Variants in CDH12 observed in about 807,000 individuals in gnomAD.
CDH12 encodes the protein cadherin-12.
Under a neutral mutation model 74.1 loss-of-function variants are expected in CDH12, and 41 were observed. The ratio of observed to expected loss-of-function variants is 0.55; its 90% CI spans 0.43 to 0.72. CDH12 has a LOEUF of 0.72. CDH12 is among the 30% of genes least tolerant of loss of function. The pLI is 0.00. For missense variants in CDH12, 945 were observed against 977.2 expected (o/e 0.97, Z 0.44); for synonymous variants, 399 against 355.0 (o/e 1.12, Z -1.39).
intron 1 of CDH12, among the ~76,000 whole-genome samples, chr5:22,594,369 A>G (rs1250600748): frequency 6.6e-6 from 1 of 152,128 alleles, no homozygotes; most frequent in Non-Finnish European, 1.5e-5. Context: ...TCTATCCTAC[A>G]AAGTGGAGCC....
intron 3 of CDH12, among the ~76,000 whole-genome samples, chr5:22,281,627 C>T (rs1736888026): frequency 6.6e-6 from 1 of 152,040 alleles, no homozygotes. Context: ...TTTACAATTG[C>T]TACAAAGAGA....
chr5:22,309,750 C>T (rs1371977927), intron 3 of CDH12, among the ~76,000 whole-genome samples: 1 of 151,824 alleles, frequency 6.6e-6, no homozygotes, highest in Non-Finnish European at 1.5e-5. Flanking sequence ...AGGTTAGTCA[C>T]CAGGGAAGTC....
chr5:22,333,946 CCT>C (rs954829480), intron 3 of CDH12, among the ~76,000 whole-genome samples: 1 of 152,012 alleles, frequency 6.6e-6, no homozygotes, highest in Admixed American at 6.6e-5. Flanking sequence ...TGACAAAAAC[CCT>C]TTAAAAATTG....
At chr5:22,743,024 C>G (rs1226774194) in intron 1 of CDH12, among the ~76,000 whole-genome samples, 4 of 151,394 alleles carry the variant, frequency 2.6e-5, no homozygotes, top group African/African-American at 9.6e-5. Context: ...GGCTAACCCT[C>G]CCTCAAAGCA....
At chr5:22,154,629 C>T (rs1747905796) in intron 4 of CDH12, among the ~76,000 whole-genome samples, 1 of 147,450 alleles carries the variant, frequency 6.8e-6, no homozygotes, top group Non-Finnish European at 1.5e-5. Flanking sequence ...CATATATATA[C>T]ACACGTATAC....
At chr5:22,472,178 A>T (rs1745986159) in intron 2 of CDH12, among the ~76,000 whole-genome samples, 1 of 152,148 alleles carries the variant, frequency 6.6e-6, no homozygotes, top group Non-Finnish European at 1.5e-5. Context: ...AAATTAGTTT[A>T]AAAAATTCTT....
chr5:22,351,224 A>G (rs527734322), intron 3 of CDH12, among the ~76,000 whole-genome samples: 1 of 152,346 alleles, frequency 6.6e-6, no homozygotes, highest in East Asian at 1.9e-4. Context: ...TAATAATGAT[A>G]GAAATAAATA....
chr5:22,829,918 C>A (rs1736510688), intron 1 of CDH12, among the ~76,000 whole-genome samples: 1 of 152,130 alleles, frequency 6.6e-6, no homozygotes, highest in Admixed American at 6.6e-5. Flanking sequence ...TACAGATGAA[C>A]CTGAAAAACC....
chr5:22,500,771 G>A (rs1747297921), intron 2 of CDH12, among the ~76,000 whole-genome samples: 3 of 152,078 alleles, frequency 2.0e-5, no homozygotes, highest in Admixed American at 1.3e-4. Context: ...CATGATTTAT[G>A]AGCCTCTTGG....
intron 4 of CDH12, among the ~76,000 whole-genome samples, chr5:22,109,394 T>C (rs1406043357): frequency 6.6e-6 from 1 of 152,230 alleles, no homozygotes; most frequent in Non-Finnish European, 1.5e-5. Flanking sequence ...GTAATGCAAC[T>C]ACTGCATGTG....
chr5:22,487,420 A>T (rs1236207414), intron 2 of CDH12, among the ~76,000 whole-genome samples: 2 of 152,208 alleles, frequency 1.3e-5, no homozygotes, highest in East Asian at 3.9e-4. Context: ...ACATAATTTG[A>T]CAATAATAGA....
chr5:22,652,211 TA>T (rs1252164019), intron 1 of CDH12, among the ~76,000 whole-genome samples: 1 of 152,128 alleles, frequency 6.6e-6, no homozygotes, highest in Non-Finnish European at 1.5e-5. Flanking sequence ...ACAGATTAAT[TA>T]ATTCATTATG....
intron 6 of CDH12, among the ~76,000 whole-genome samples, chr5:21,973,189 A>C (rs1279331942): frequency 6.6e-6 from 1 of 152,144 alleles, no homozygotes; most frequent in Non-Finnish European, 1.5e-5. Context: ...CCAGGGCAAC[A>C]GACCAAGACC....
At chr5:22,348,074 C>A (rs997521327) in intron 3 of CDH12, among the ~76,000 whole-genome samples, 10 of 152,160 alleles carry the variant, frequency 6.6e-5, no homozygotes, top group Non-Finnish European at 1.5e-4. Flanking sequence ...AATCTGAAAG[C>A]TGTTATTATG....
rs1749715996 is a variant in CDH12 at position 22,182,791 on chromosome 5, G to A, written c.-187+29707C>T. On this transcript the variant is annotated intron_variant, in intron 4 of 14. Coordinates refer to ENST00000382254, the MANE Select transcript of CDH12 (RefSeq NM_004061.5). ...ACTGGCTGGGCTGGACCCAAGGTAAGAGAGGCCTCATGAGCAAATGATCAA... is the reference window on the plus strand; with the variant it reads ...ACTGGCTGGGCTGGACCCAAGGTAAAAGAGGCCTCATGAGCAAATGATCAA... 4.0e-5 allele frequency among the ~76,000 whole-genome samples: 6 copies of A among 151,718 alleles called. No homozygotes were observed. In the South Asian group the frequency reaches 1.3e-3, roughly 32 times the overall value.
At position 21,854,696 on chromosome 5, in the gene CDH12, A is replaced by C; in HGVS notation, c.621T>G (p.Pro207=). The change falls in exon 7 of 15, where the codon CCT becomes CCG. Residue 207 remains proline (P), a synonymous_variant. Transcript: ENST00000382254. ...RVVYSILQGQ[P]YFSIDPKTGV... is the part of the protein sequence containing the mutation. The stretch of plus-strand genomic sequence containing the variant: ...CTGTCTTGGGATCAATAGAGAAATA[A>C]GGTTGTCCCTGAAGAATGCTGTAAA... 1 of 1,171,908 alleles carries C rather than the reference A, an allele frequency of 8.5e-7. No individual in the cohort carries two copies. The highest frequency in any genetic ancestry group is 3.9e-5 in the East Asian group (1 of 25,714). 72.6% of individuals were successfully genotyped at this position (1,171,908 alleles called of 1,614,324 possible).
rs144711408 is a variant in CDH12, at chr5:22,848,163, G to T, written c.-523+4895C>A. Among the ~76,000 whole-genome samples, 677 of 152,168 alleles carry T rather than the reference G, an allele frequency of 4.4e-3. 5 individuals are homozygous for T. Among genetic ancestry groups the T allele is most frequent in the Non-Finnish European group, 5.9e-3 (398 of 67,982 alleles). The stretch of plus-strand genomic sequence containing the variant: ...ACTAACTCTCTGGTTACCTCCTGTT[G>T]TCTCTTTATTTGACATGTTAACCTT... On this transcript the variant is annotated intron_variant, in intron 1 of 14. Coordinates refer to ENST00000382254, the MANE Select transcript of CDH12 (RefSeq NM_004061.5).
chr5:21,952,012 G>A (rs1428275308), intron 6 of CDH12, among the ~76,000 whole-genome samples: 1 of 152,136 alleles, frequency 6.6e-6, no homozygotes. Context: ...GCAGCATTCA[G>A]GTCCACAATG....
intron 1 of CDH12, among the ~76,000 whole-genome samples, chr5:22,586,965 G>A (rs1740436420): frequency 6.7e-6 from 1 of 150,132 alleles, no homozygotes; most frequent in African/African-American, 2.4e-5. Flanking sequence ...TCGTATCTCA[G>A]CCTTCCAAGT....
Sources: allele counts gnomAD v4.1 joint callset (sites outside exome capture counted in the v4.1 genomes callset), GRCh38; gene constraint gnomAD v4.1.1; transcripts MANE v1.5; gene names NCBI Gene and HGNC (gene_info 2026-07-23, HGNC 2026-07-21).